ATAD2B: variants seen among roughly 807,000 people sequenced by gnomAD.
The protein encoded by ATAD2B is ATPase family AAA domain containing 2B.
Under a neutral mutation model 167.6 loss-of-function variants are expected in ATAD2B, and 40 were observed. The observed-to-expected ratio is 0.24, with a 90% CI of 0.19 to 0.31. ATAD2B has a LOEUF of 0.31. ATAD2B is among the 10% of genes least tolerant of loss of function. ATAD2B has a pLI of 1.00. For missense variants in ATAD2B, 1,242 were observed against 1,757.2 expected (o/e 0.71, Z 5.24); for synonymous variants, 579 against 596.5 (o/e 0.97, Z 0.43).
chr2:23,921,575 T>C (rs1400922450), intron 1 of ATAD2B, among the ~76,000 whole-genome samples: 2 of 152,212 alleles, frequency 1.3e-5, no homozygotes, highest in Non-Finnish European at 2.9e-5. Flanking sequence ...GGAATTAGTA[T>C]GTATTCACTT....
chr2:23,719,954 C>T, the ATAD2B span, among the ~76,000 whole-genome samples: 1 of 152,194 alleles, frequency 6.6e-6, no homozygotes. Flanking sequence ...CCCCTGGGCA[C>T]GAGTCCTTAG....
At chr2:23,858,360 A>C (rs1275523509) in intron 12 of ATAD2B, among the ~76,000 whole-genome samples, 4 of 151,884 alleles carry the variant, frequency 2.6e-5, no homozygotes, top group African/African-American at 9.7e-5. Context: ...ACCTCAGGTA[A>C]TCCACCCACC....
At chr2:23,779,174 C>CTTTT (rs35835747) in intron 22 of ATAD2B, among the ~76,000 whole-genome samples, 16 of 97,408 alleles carry the variant, frequency 1.6e-4, no homozygotes, top group Non-Finnish European at 2.2e-4. Flanking sequence ...TTTTTCTTTT[C>CTTTT]TTTTTTTTTT....
At chr2:23,770,079 G>A (rs113140310) in intron 22 of ATAD2B, among the ~76,000 whole-genome samples, 11,804 of 151,632 alleles carry the variant, frequency 0.078, 585 homozygotes, top group South Asian at 0.11. Flanking sequence ...GAAGGCCGAG[G>A]CGGGCGGGTA....
intron 1 of ATAD2B, among the ~76,000 whole-genome samples, chr2:23,911,878 G>C (rs181707465): frequency 2.0e-5 from 3 of 151,732 alleles, no homozygotes; most frequent in Admixed American, 2.0e-4. Context: ...AGGAGGCTGG[G>C]GCAGGAGAAT....
the ATAD2B span, among the ~76,000 whole-genome samples, chr2:23,710,461 T>A: frequency 6.6e-6 from 1 of 152,184 alleles, no homozygotes; most frequent in African/African-American, 2.4e-5. Flanking sequence ...GTGAACCCCG[T>A]GAGCAGTGAA....
chr2:23,680,035 C>T, the ATAD2B span, among the ~76,000 whole-genome samples: 1 of 152,164 alleles, frequency 6.6e-6, no homozygotes, highest in African/African-American at 2.4e-5. The surrounding 1 kb of genome is among the most constrained non-coding windows in gnomAD (Gnocchi z 4.1). Flanking sequence ...GCTGCCCCTT[C>T]AGCCCCGAAG....
chr2:23,860,310 T>C (rs975392693), intron 12 of ATAD2B, among the ~76,000 whole-genome samples: 1 of 152,238 alleles, frequency 6.6e-6, no homozygotes, highest in African/African-American at 2.4e-5. Flanking sequence ...CAAAAATATG[T>C]ATTTTGTTGC....
chr2:23,857,980 T>C (rs1045327465), intron 12 of ATAD2B, among the ~76,000 whole-genome samples: 1 of 152,032 alleles, frequency 6.6e-6, no homozygotes, highest in African/African-American at 2.4e-5. Context: ...CCTGACCTCG[T>C]GATCTGCCCG....
At chr2:23,902,194 A>G (rs1700925909) in intron 1 of ATAD2B, among the ~76,000 whole-genome samples, 1 of 152,216 alleles carries the variant, frequency 6.6e-6, no homozygotes, top group Non-Finnish European at 1.5e-5. Flanking sequence ...GGCATATAAC[A>G]TACTTCAAGT....
intron 14 of ATAD2B, among the ~76,000 whole-genome samples, chr2:23,833,668 T>A (rs1689423100): frequency 6.6e-6 from 1 of 152,184 alleles, no homozygotes; most frequent in African/African-American, 2.4e-5. Context: ...TCTGGAGAAC[T>A]AAAGCACAAG....
intron 19 of ATAD2B, among the ~76,000 whole-genome samples, chr2:23,796,294 T>G (rs1234323273): frequency 6.6e-6 from 1 of 152,198 alleles, no homozygotes; most frequent in Non-Finnish European, 1.5e-5. Flanking sequence ...TTTCTAATAT[T>G]TTAGATAGTA....
chr2:23,682,107 T>C, the ATAD2B span, among the ~76,000 whole-genome samples: 1 of 152,118 alleles, frequency 6.6e-6, no homozygotes, highest in Non-Finnish European at 1.5e-5. This position sits in a 1 kb window ranked among gnomAD's most constrained non-coding sequence, Gnocchi z 4.1. Context: ...GTGGTCTCCA[T>C]GCCTCCCCCT....
chr2:23,835,103 T>C (rs1447002351), intron 13 of ATAD2B, among the ~76,000 whole-genome samples: 3 of 152,158 alleles, frequency 2.0e-5, no homozygotes, highest in Non-Finnish European at 4.4e-5. Flanking sequence ...CACTGACTGA[T>C]GGGTGGGAAT....
the ATAD2B span, among the ~76,000 whole-genome samples, chr2:23,721,183 G>A: frequency 6.6e-6 from 1 of 152,304 alleles, no homozygotes; most frequent in African/African-American, 2.4e-5. Flanking sequence ...CACATTTCCA[G>A]GCCAGCAGAG....
chr2:23,867,976 G>T, intron 9 of ATAD2B, 30 bp from the exon 10 acceptor site: 2 of 1,442,284 alleles, frequency 1.4e-6, no homozygotes, highest in Non-Finnish European at 1.9e-6. Flanking sequence ...AAGTAAAGTT[G>T]CATTAAAAGT....
chr2:23,873,906 G>C (rs1360325735), intron 8 of ATAD2B, among the ~76,000 whole-genome samples: 1 of 152,226 alleles, frequency 6.6e-6, no homozygotes, highest in Non-Finnish European at 1.5e-5. Flanking sequence ...CCTAGTTGGG[G>C]CTGGGCATGG....
At chr2:23,705,692 C>T in the ATAD2B span, among the ~76,000 whole-genome samples, 4 of 152,200 alleles carry the variant, frequency 2.6e-5, no homozygotes, top group East Asian at 1.9e-4. Context: ...ATTTCAGAAA[C>T]GGGTGGAGCC....
chr2:23,887,427 T>C (rs567393596), intron 4 of ATAD2B, among the ~76,000 whole-genome samples: 1 of 152,334 alleles, frequency 6.6e-6, no homozygotes, highest in East Asian at 1.9e-4. Context: ...ATCTAGATAC[T>C]GAACAATACT....
Sources: gnomAD v4.1 joint callset for allele counts (sites outside exome capture counted in the v4.1 genomes callset) on GRCh38, gnomAD v4.1.1 for gene constraint, Gnocchi (gnomAD v3.1) non-coding constraint, MANE v1.5 for transcripts, NCBI Gene and HGNC (gene_info 2026-07-23, HGNC 2026-07-21) for gene names.